Variants in MATN2 observed in about 807,000 individuals in gnomAD.
MATN2 encodes the protein matrilin-2.
A neutral mutation model predicts 103.2 loss-of-function variants in MATN2; 69 were observed. The ratio of observed to expected loss-of-function variants is 0.67; its 90% confidence interval spans 0.55 to 0.82. The LOEUF (loss-of-function observed/expected upper bound fraction) is 0.82. Ranked by LOEUF, MATN2 falls within the 40% of genes least tolerant of loss-of-function variation. The pLI is 0.00. For missense variants in MATN2, 1,023 were observed against 1,211.5 expected (o/e 0.84, Z 2.31); for synonymous variants, 429 against 450.2 (o/e 0.95, Z 0.60).
chr8:97,959,485 G>A (rs758089546), intron 4 of MATN2, among the ~76,000 whole-genome samples: 11 of 152,132 alleles, frequency 7.2e-5, no homozygotes, highest in Non-Finnish European at 1.0e-4. Flanking sequence ...GTTTTCTTCC[G>A]GTTATGGGTG....
At chr8:98,008,534 G>A (rs1813050398) in intron 10 of MATN2, among the ~76,000 whole-genome samples, 1 of 152,136 alleles carries the variant, frequency 6.6e-6, no homozygotes, top group African/African-American at 2.4e-5. Flanking sequence ...ACAGCTGGGC[G>A]TGCCTCTCTA....
rs71570279 is a variant in MATN2 at position 97,988,189 on chromosome 8, T to TATATATATATATACACACAC, written c.1082-6290_1082-6289insTATATATATATACACACACA. ...AAAAAAAAATATATATATATATATA[T>TATATATATATATACACACAC]ACACACACACACATATGTATACACA... On this transcript the variant is annotated intron_variant, in intron 6 of 18. Transcript: ENST00000254898. Among the ~76,000 whole-genome samples, 128 of 54,694 alleles carry TATATATATATATACACACAC rather than the reference T, an allele frequency of 2.3e-3. 5 individuals are homozygous for TATATATATATATACACACAC. Among genetic ancestry groups the TATATATATATATACACACAC allele is most frequent in the East Asian group, 3.4e-3 (12 of 3,510 alleles). The allele number at this position is 54,694 out of a possible 152,430, so 35.9% of individuals were successfully genotyped here.
chr8:97,871,038 A>G (rs1019260543), intron 1 of MATN2, among the ~76,000 whole-genome samples: 1 of 152,230 alleles, frequency 6.6e-6, no homozygotes, highest in African/African-American at 2.4e-5. Context: ...ACCCAGGGCC[A>G]CCAAGGCCTA....
rs1220056991 is a variant in MATN2, at chr8:98,032,245, G to T, written c.2510-1G>T. ...TCTTTTGGTCATCTTTTTCTGCTCA[G>T]CTCTAGAAGACTCCGATGGAAGACA... On this transcript the variant is annotated splice_acceptor_variant, in intron 15 of 18. Coordinates refer to ENST00000254898, the MANE Select transcript of MATN2 (RefSeq NM_002380.5). LOFTEE classifies it high-confidence loss of function. 6.2e-7 allele frequency: 1 copy of T among 1,609,598 alleles called. No individual in the cohort carries two copies. The highest frequency in any genetic ancestry group is 8.5e-7 in the Non-Finnish European group (1 of 1,177,872).
intron 14 of MATN2, among the ~76,000 whole-genome samples, chr8:98,028,672 C>T (rs554119375): frequency 3.0e-4 from 46 of 152,176 alleles, no homozygotes; most frequent in Admixed American, 1.3e-4. Context: ...CTGCAAGCTC[C>T]GCCTCCCAGG....
At chr8:97,911,407 T>C (rs1809427579) in intron 2 of MATN2, among the ~76,000 whole-genome samples, 1 of 151,820 alleles carries the variant, frequency 6.6e-6, no homozygotes, top group South Asian at 2.1e-4. Context: ...ATAGCCAAAA[T>C]AAAATAAAAT....
chr8:97,995,922 T>C (rs1812569198), intron 7 of MATN2, among the ~76,000 whole-genome samples: 1 of 152,240 alleles, frequency 6.6e-6, no homozygotes, highest in Non-Finnish European at 1.5e-5. Context: ...AGATAAGCTA[T>C]TTTTCATAAG....
At chr8:97,964,727 G>A (rs558279710) in intron 5 of MATN2, among the ~76,000 whole-genome samples, 5 of 151,884 alleles carry the variant, frequency 3.3e-5, no homozygotes, top group African/African-American at 4.8e-5. Context: ...GAGCCACCTC[G>A]CCTGATGCCA....
intron 1 of MATN2, among the ~76,000 whole-genome samples, chr8:97,887,039 G>C (rs967926710): frequency 4.4e-4 from 66 of 151,644 alleles, no homozygotes; most frequent in Non-Finnish European, 2.5e-4. Flanking sequence ...CTGCAGGCAC[G>C]AGCCACCACA....
chr8:98,021,931 T>C (rs986650774), intron 13 of MATN2, among the ~76,000 whole-genome samples: 3 of 152,226 alleles, frequency 2.0e-5, no homozygotes, highest in African/African-American at 7.2e-5. Flanking sequence ...GAATTATAAA[T>C]GGATCAGTGA....
At chr8:98,023,361 T>G (rs754101243) in intron 13 of MATN2, among the ~76,000 whole-genome samples, 1 of 152,034 alleles carries the variant, frequency 6.6e-6, no homozygotes, top group Non-Finnish European at 1.5e-5. Context: ...AAGGAATACA[T>G]TAGATCGTGT....
At chr8:97,948,674 C>T (rs777700196) in intron 4 of MATN2, among the ~76,000 whole-genome samples, 1 of 152,248 alleles carries the variant, frequency 6.6e-6, no homozygotes, top group Non-Finnish European at 1.5e-5. Context: ...ACAAAAGGAA[C>T]ATAGATCTTG....
intron 6 of MATN2, among the ~76,000 whole-genome samples, chr8:97,984,337 A>T (rs1217620121): frequency 1.3e-5 from 2 of 152,220 alleles, no homozygotes; most frequent in African/African-American, 4.8e-5. Flanking sequence ...AAATTTGGCT[A>T]CTTGCGTTCT....
At chr8:97,939,326 A>G (rs551296936) in intron 3 of MATN2, among the ~76,000 whole-genome samples, 55 of 152,320 alleles carry the variant, frequency 3.6e-4, no homozygotes, top group African/African-American at 1.3e-3. Context: ...TAGACGGCGC[A>G]TCACCATTTT....
chr8:97,873,205 T>C (rs916525561), intron 1 of MATN2, among the ~76,000 whole-genome samples: 4 of 152,172 alleles, frequency 2.6e-5, no homozygotes, highest in African/African-American at 9.7e-5. Flanking sequence ...TTGGGCATGA[T>C]GGTAAGAAAA....
chr8:97,974,173 T>A (rs1440697389), intron 5 of MATN2, among the ~76,000 whole-genome samples: 2 of 151,832 alleles, frequency 1.3e-5, no homozygotes, highest in African/African-American at 4.8e-5. Flanking sequence ...AGAATTTCGC[T>A]TGTTGCCCAG....
chr8:98,025,143 T>C (rs1813741101), intron 13 of MATN2: 1 of 152,194 alleles, frequency 6.6e-6, no homozygotes, highest in African/African-American at 2.4e-5. Context: ...GAACAGACTA[T>C]GAATGTAAAT....
chr8:97,919,762 A>G (rs1363896600), intron 2 of MATN2, among the ~76,000 whole-genome samples: 1 of 151,960 alleles, frequency 6.6e-6, no homozygotes, highest in Non-Finnish European at 1.5e-5. Context: ...GGTGCCTGGC[A>G]CTAGGCCGGG....
intron 4 of MATN2, 41 bp from the exon 5 acceptor site, chr8:97,961,367 T>C (rs747593763): frequency 1.3e-6 from 2 of 1,561,574 alleles, no homozygotes; most frequent in Non-Finnish European, 1.7e-6. Context: ...CATTCTCAGG[T>C]GTGCCTGACG....
Sources: allele counts gnomAD v4.1 joint callset (sites outside exome capture counted in the v4.1 genomes callset), GRCh38; gene constraint gnomAD v4.1.1; transcripts MANE v1.5; gene names NCBI Gene and HGNC (gene_info 2026-07-23, HGNC 2026-07-21).